Variants in PPM1L observed in about 807,000 individuals in gnomAD.
PPM1L encodes the protein protein phosphatase, Mg2+/Mn2+ dependent 1L, also known as protein phosphatase 1L.
PPM1L carries 13 observed loss-of-function variants against 31.4 expected under a neutral mutation model. That is an observed-to-expected ratio of 0.41 (90% confidence interval 0.27 to 0.66). The LOEUF is 0.66. PPM1L is among the 30% of genes least tolerant of loss of function. The pLI, the probability that PPM1L is intolerant of heterozygous loss-of-function variation, is 0.29. For missense variants in PPM1L, 326 were observed against 453.7 expected (o/e 0.72, Z 2.56); for synonymous variants, 184 against 175.4 (o/e 1.05, Z -0.39).
chr3:160,829,374 C>G (rs990039586), intron 1 of PPM1L, among the ~76,000 whole-genome samples: 4 of 152,208 alleles, frequency 2.6e-5, no homozygotes, highest in Middle Eastern at 3.4e-3. Flanking sequence ...CTTCATTTCT[C>G]TGTCCACAAA....
At chr3:160,987,203 G>T (rs1212803873) in intron 2 of PPM1L, among the ~76,000 whole-genome samples, 2 of 152,170 alleles carry the variant, frequency 1.3e-5, no homozygotes, top group South Asian at 4.1e-4. Flanking sequence ...ACAGGCAAGT[G>T]GGAAGGGTTG....
intron 1 of PPM1L, among the ~76,000 whole-genome samples, chr3:160,847,193 A>C (rs994162502): frequency 2.6e-5 from 4 of 152,156 alleles, no homozygotes; most frequent in Non-Finnish European, 5.9e-5. Context: ...CACAGCCAAA[A>C]GTCATGTTTC....
intron 2 of PPM1L, among the ~76,000 whole-genome samples, chr3:160,986,717 G>T (rs1716977479): frequency 6.6e-6 from 1 of 152,098 alleles, no homozygotes; most frequent in African/African-American, 2.4e-5. Context: ...CTTTAGCATG[G>T]TTGAGCAAAA....
At chr3:160,887,040 T>C (rs139295166) in intron 1 of PPM1L, among the ~76,000 whole-genome samples, 5 of 152,014 alleles carry the variant, frequency 3.3e-5, no homozygotes, top group Admixed American at 3.3e-4. Context: ...CTGAAAAATA[T>C]AGCACAAGAG....
At chr3:160,912,703 T>C (rs1415954899) in intron 1 of PPM1L, among the ~76,000 whole-genome samples, 4 of 152,216 alleles carry the variant, frequency 2.6e-5, no homozygotes. Flanking sequence ...AAGCGATAAT[T>C]ATAGCAGATT....
chr3:160,837,234 A>G (rs948123229), intron 1 of PPM1L, among the ~76,000 whole-genome samples: 12 of 152,190 alleles, frequency 7.9e-5, no homozygotes, highest in African/African-American at 2.9e-4. Flanking sequence ...AAACCTTCTC[A>G]TGTGTATATA....
intron 1 of PPM1L, among the ~76,000 whole-genome samples, chr3:160,811,260 C>G (rs766844390): frequency 6.6e-6 from 1 of 152,214 alleles, no homozygotes; most frequent in South Asian, 2.1e-4. Context: ...TCTTCTATCC[C>G]CCTCTTTTCT....
chr3:161,011,441 C>G lies in PPM1L; in HGVS notation c.574+49531C>G, dbSNP rs980741252. ...GTAGCCTTGTAGTATAGTTTGAAGT[C>G]AGGTAGCGTGATGCCTCCAGCTTTG... is the stretch of plus-strand genomic sequence containing the variant. On this transcript the variant is annotated intron_variant, in intron 2 of 3. Transcript: ENST00000498165. Among the ~76,000 whole-genome samples, 11 of 152,282 alleles carry G rather than the reference C, an allele frequency of 7.2e-5. 1 individual carries two copies. The highest frequency in any genetic ancestry group is 6.8e-3 in the Middle Eastern group (2 of 294).
At position 161,070,665 on chromosome 3, in the gene PPM1L, C is replaced by G. The variant is rs924326609; in HGVS notation, c.*1508C>G. 6.6e-6 allele frequency: 1 copy of G among 152,218 alleles called. No individual in the cohort carries two copies. Among genetic ancestry groups the G allele is most frequent in the Non-Finnish European group, 1.5e-5 (1 of 68,068 alleles). The allele number at this position is 152,218 out of a possible 1,614,324, so 9.4% of individuals were successfully genotyped here. On this transcript the variant is annotated 3_prime_UTR_variant, in exon 4 of 4. Transcript: ENST00000498165. ...ACGAAACTTCCGTTGCCTCCCAGCC[C>G]TCTGTATCCACCTGGTTTTGTTCTT... is the stretch of plus-strand genomic sequence containing the variant.
chr3:160,910,209 C>G, intron 1 of PPM1L, among the ~76,000 whole-genome samples: 1 of 129,474 alleles, frequency 7.7e-6, no homozygotes, highest in Non-Finnish European at 1.6e-5. Context: ...TTCCCTGTCC[C>G]TTTCCCCTTC....
At position 160,956,594 on chromosome 3, in the gene PPM1L, GAGA is replaced by G. The variant is rs201582697; in HGVS notation, c.400-5138_400-5136del. Among the ~76,000 whole-genome samples, 972 of 152,334 alleles carry G rather than the reference GAGA, an allele frequency of 6.4e-3. 10 individuals are homozygous for G. The highest frequency in any genetic ancestry group is 0.022 in the African/African-American group (926 of 41,574). On this transcript the variant is annotated intron_variant, in intron 1 of 3. Coordinates refer to ENST00000498165, the MANE Select transcript of PPM1L (RefSeq NM_139245.4). Reference sequence around the variant, plus strand: ...AAATGCAGAAATAAAGGCAAGAATGGAGAAGATCAAATGATTATGGAGAGGAAA... The same window carrying G: ...AAATGCAGAAATAAAGGCAAGAATGGAGATCAAATGATTATGGAGAGGAAA...
intron 1 of PPM1L, among the ~76,000 whole-genome samples, chr3:160,900,676 C>T (rs1261301793): frequency 1.3e-5 from 2 of 151,970 alleles, no homozygotes; most frequent in Non-Finnish European, 2.9e-5. Context: ...TTTATAGCCA[C>T]ATTATAATAA....
chr3:160,947,608 A>G (rs1715450886), intron 1 of PPM1L, among the ~76,000 whole-genome samples: 1 of 152,138 alleles, frequency 6.6e-6, no homozygotes. Context: ...CCACTAGACC[A>G]TAAGCACCAT....
At chr3:161,002,429 G>A (rs1717528346) in intron 2 of PPM1L, among the ~76,000 whole-genome samples, 1 of 152,160 alleles carries the variant, frequency 6.6e-6, no homozygotes, top group Non-Finnish European at 1.5e-5. Context: ...TTCCACAATG[G>A]TTGAACTAGT....
intron 1 of PPM1L, among the ~76,000 whole-genome samples, chr3:160,787,468 T>C (rs1711970290): frequency 6.6e-6 from 1 of 152,168 alleles, no homozygotes; most frequent in Admixed American, 6.5e-5. Context: ...CTAATTTATT[T>C]AAGTTCCTCA....
intron 1 of PPM1L, among the ~76,000 whole-genome samples, chr3:160,898,002 CA>C (rs1305385087): frequency 1.3e-5 from 2 of 152,070 alleles, no homozygotes; most frequent in Admixed American, 1.3e-4. Context: ...CCCTTAATAT[CA>C]TTACTAGTAT....
At chr3:160,868,925 A>T (rs1712197320) in intron 1 of PPM1L, among the ~76,000 whole-genome samples, 1 of 152,200 alleles carries the variant, frequency 6.6e-6, no homozygotes, top group South Asian at 2.1e-4. Context: ...TAAGGGTAAT[A>T]GTTATTGTTT....
At chr3:160,801,864 A>G (rs1460426845) in intron 1 of PPM1L, among the ~76,000 whole-genome samples, 1 of 152,110 alleles carries the variant, frequency 6.6e-6, no homozygotes, top group Non-Finnish European at 1.5e-5. Context: ...GCTTCGTTTC[A>G]TACATAGTTT....
chr3:160,780,162 A>G (rs951633846), intron 1 of PPM1L, among the ~76,000 whole-genome samples: 3 of 152,160 alleles, frequency 2.0e-5, no homozygotes, highest in African/African-American at 7.2e-5. Context: ...AGCTGGGACC[A>G]TAGGCACATG....
Sources: gnomAD v4.1 joint callset for allele counts (sites outside exome capture counted in the v4.1 genomes callset) on GRCh38, gnomAD v4.1.1 for gene constraint, MANE v1.5 for transcripts, NCBI Gene and HGNC (gene_info 2026-07-23, HGNC 2026-07-21) for gene names.